Variants in MYO7B observed in about 807,000 individuals in gnomAD.
MYO7B encodes the protein unconventional myosin-VIIb.
Under a neutral mutation model 259.7 loss-of-function variants are expected in MYO7B, and 212 were observed. That is an observed-to-expected ratio of 0.82 (90% confidence interval 0.73 to 0.91). MYO7B has a LOEUF of 0.91. Ranked by LOEUF, MYO7B falls within the 40% of genes least tolerant of loss-of-function variation. The pLI is 0.00. For missense variants in MYO7B, 2,732 were observed against 2,813.5 expected, an observed-to-expected ratio of 0.97 and a Z score of 0.66; for synonymous variants, 1,197 against 1,166.4, an observed-to-expected ratio of 1.03 and a Z score of -0.54.
chr2:127,543,220 T>C (rs1693078762), intron 1 of MYO7B, among the ~76,000 whole-genome samples: 1 of 152,210 alleles, frequency 6.6e-6, no homozygotes, highest in South Asian at 2.1e-4. Context: ...AGTACCTGGC[T>C]TTCCTAGGCA....
chr2:127,602,008 G>A (rs1679978086), intron 19 of MYO7B, among the ~76,000 whole-genome samples: 1 of 152,104 alleles, frequency 6.6e-6, no homozygotes, highest in Non-Finnish European at 1.5e-5. Flanking sequence ...ATTCATGTTA[G>A]AGCTCAAGTC....
intron 15 of MYO7B, among the ~76,000 whole-genome samples, chr2:127,589,403 G>A (rs1271876860): frequency 6.6e-6 from 1 of 150,750 alleles, no homozygotes; most frequent in African/African-American, 2.4e-5. Flanking sequence ...GCATGTGGCA[G>A]CTTATATAAG....
At position 127,559,785 on chromosome 2, in the gene MYO7B, C is replaced by T. The variant is rs1247704194; in HGVS notation, c.18+45C>T. ...ATCTAGGGGTTATTGGTGTAAGTTA[C>T]TCAAGGCCAAGTTGAATCGCTCCCA... is the stretch of plus-strand genomic sequence containing the variant. On this transcript the variant is annotated intron_variant, in intron 2 of 47. Transcript: ENST00000409816. The surrounding 1 kb of genome is among the most constrained non-coding windows in gnomAD (Gnocchi z 4.1). 8 of 1,609,272 alleles carry T rather than the reference C, an allele frequency of 5.0e-6. 1 individual carries two copies. The South Asian group carries it at 6.6e-5, about 13-fold the overall frequency.
chr2:127,627,466 C>A lies in MYO7B; in HGVS notation c.4460+156C>A. Reference sequence around the variant, plus strand: ...TACGTATGCGATGGCTTCTGTACTTCGGAGCCCCACCCTCCTGCACCAGGC... The same window carrying A: ...TACGTATGCGATGGCTTCTGTACTTAGGAGCCCCACCCTCCTGCACCAGGC... On this transcript the variant is annotated intron_variant, in intron 33 of 47. Coordinates refer to ENST00000409816, the MANE Select transcript of MYO7B (RefSeq NM_001393586.1). The surrounding 1 kb of genome is among the most constrained non-coding windows in gnomAD (Gnocchi z 5.6). 2.0e-6 allele frequency: 2 copies of A among 1,020,500 alleles called. No homozygotes were observed. Among genetic ancestry groups the A allele is most frequent in the South Asian group, 1.4e-5 (1 of 72,082 alleles). 63.2% of individuals were successfully genotyped at this position (1,020,500 alleles called of 1,614,324 possible).
rs374385620 is a variant in MYO7B at position 127,636,368 on chromosome 2, C to T, written c.6123+44C>T. On this transcript the variant is annotated intron_variant, in intron 45 of 47. Transcript: ENST00000409816. The surrounding 1 kb of genome is among the most constrained non-coding windows in gnomAD (Gnocchi z 4.5). The stretch of plus-strand genomic sequence containing the variant: ...CAGGGCCTCCTACCCAAGCAGGCTC[C>T]GCTCAGCCCAGCCCCAGCAGGCCCA... The T allele has an allele frequency of 6.1e-4, 948 of 1,561,960 alleles. 11 individuals are homozygous for T. In the South Asian group the frequency reaches 8.9e-3, roughly 15 times the overall value.
At chr2:127,538,272 G>A (rs1692868707) in intron 1 of MYO7B, among the ~76,000 whole-genome samples, 1 of 152,104 alleles carries the variant, frequency 6.6e-6, no homozygotes, top group Non-Finnish European at 1.5e-5. Flanking sequence ...CGGTTGAGGG[G>A]GGTGGTAAGA....
rs754625139 is a variant in MYO7B at position 127,565,278 on chromosome 2, C to A, written c.178C>A (p.His60Asn). The A allele has an allele frequency of 1.2e-6, 2 of 1,614,012 alleles. No homozygotes were observed. The highest frequency in any genetic ancestry group is 1.7e-6 in the Non-Finnish European group (2 of 1,179,874). Residue 60 changes from histidine to asparagine, a missense_variant, in exon 4 of 48, where the codon CAC (histidine) becomes AAC (asparagine). His to Asn is a moderately conservative substitution (Grantham distance 68, BLOSUM62 1). Transcript: ENST00000409816. ...GGACTTTGGTGTCCTCAGTCCCATG[C>A]ACCCCAACTCAGTCCAGGGTGTGGA... ...AEDFGVLSPM[H>N]PNSVQGVDDM...
At position 127,612,550 on chromosome 2, in the gene MYO7B, C is replaced by G; in HGVS notation, c.3345C>G (p.Asn1115Lys). ...TTGGTGCAGACCGGCCCATGTCCAA[C>G]CTGGAGAAGGTGCACTTCATCGTGG... Reference protein sequence around the residue: ...DGLGADRPMSNLEKVHFIVGY... With the variant: ...DGLGADRPMSKLEKVHFIVGY... Residue 1115 changes from asparagine to lysine, a missense_variant, in exon 26 of 48, where the codon AAC becomes AAG. Transcript: ENST00000409816. The G allele has an allele frequency of 6.2e-7, 1 of 1,600,602 alleles. No individual in the cohort carries two copies. Among genetic ancestry groups the G allele is most frequent in the Non-Finnish European group, 8.5e-7 (1 of 1,173,892 alleles).
intron 40 of MYO7B, 148 bp downstream of exon 40, chr2:127,633,511 A>C: frequency 1.3e-6 from 1 of 763,382 alleles, no homozygotes; most frequent in Non-Finnish European, 2.1e-6. Context: ...CCCTCTCCCC[A>C]TGGGATGCAG....
intron 7 of MYO7B, 123 bp downstream of exon 7, chr2:127,574,185 C>A: frequency 7.9e-7 from 1 of 1,263,038 alleles, no homozygotes; most frequent in Non-Finnish European, 1.1e-6. Flanking sequence ...ACCCACAGGC[C>A]TCACTGGATA....
At position 127,568,862 on chromosome 2, in the gene MYO7B, C is replaced by T. The variant is rs181103246; in HGVS notation, c.471-927C>T. Reference sequence around the variant, plus strand: ...GCAGTGAGCTGAGATCGTGCCATTGCACTCCAGCCCAGGCCAACAACAGCA... The same window carrying T: ...GCAGTGAGCTGAGATCGTGCCATTGTACTCCAGCCCAGGCCAACAACAGCA... On this transcript the variant is annotated intron_variant, in intron 5 of 47. Coordinates refer to ENST00000409816, the MANE Select transcript of MYO7B (RefSeq NM_001393586.1). 9.6e-3 allele frequency among the ~76,000 whole-genome samples: 1,454 copies of T among 150,716 alleles called. 27 individuals are homozygous for T. The highest frequency in any genetic ancestry group is 0.034 in the African/African-American group (1,377 of 40,918).
chr2:127,543,675 C>T (rs1296600910), intron 1 of MYO7B, among the ~76,000 whole-genome samples: 1 of 152,034 alleles, frequency 6.6e-6, no homozygotes, highest in Admixed American at 6.5e-5. Flanking sequence ...GAGTATTTCT[C>T]TCCATCACTC....
At chr2:127,596,596 C>A in intron 19 of MYO7B, 40 bp downstream of exon 19, 1 of 1,496,768 alleles carries the variant, frequency 6.7e-7, no homozygotes, top group Non-Finnish European at 9.2e-7. Flanking sequence ...CCTACTCCTG[C>A]CCACAGTGTC....
chr2:127,543,264 C>T (rs1693080484), intron 1 of MYO7B, among the ~76,000 whole-genome samples: 1 of 152,080 alleles, frequency 6.6e-6, no homozygotes, highest in African/African-American at 2.4e-5. Flanking sequence ...TGTATTGTGT[C>T]CCTGGGTACT....
intron 3 of MYO7B, 84 bp from the exon 4 acceptor site, chr2:127,565,149 C>T (rs568645739): frequency 1.3e-6 from 2 of 1,518,572 alleles, no homozygotes; most frequent in African/African-American, 2.7e-5. Flanking sequence ...CACCTTGCTG[C>T]TGAGAACTTG....
At chr2:127,610,950 C>T (rs1680362288) in intron 24 of MYO7B, among the ~76,000 whole-genome samples, 3 of 152,244 alleles carry the variant, frequency 2.0e-5, no homozygotes, top group Admixed American at 1.3e-4. Context: ...AACCTAACTG[C>T]TTCAAATAGC....
chr2:127,634,140 C>A, intron 40 of MYO7B, 36 bp from the exon 41 acceptor site: 2 of 1,529,106 alleles, frequency 1.3e-6, no homozygotes, highest in Non-Finnish European at 8.9e-7. Context: ...GGCCCCTAGC[C>A]AGGCCCCGGG....
chr2:127,584,785 A>T lies in MYO7B; in HGVS notation c.1562A>T (p.Asp521Val), dbSNP rs1679236996. The T allele has an allele frequency of 6.2e-7, 1 of 1,613,792 alleles. No homozygotes were observed. Among genetic ancestry groups the T allele is most frequent in the Admixed American group, 1.7e-5 (1 of 59,992 alleles). Residue 521 changes from aspartate (D) to valine (V), a missense_variant, in exon 14 of 48, where the codon GAT (aspartate) becomes GTT (valine). Transcript: ENST00000409816. This position sits in a 1 kb window ranked among gnomAD's most constrained non-coding sequence, Gnocchi z 5.8. Reference sequence around the variant, plus strand: ...GTGTCTGGGTTCTTCCAGGGGACAGATCTCACCATGCTGCAAAAGCTGAAC... The same window carrying T: ...GTGTCTGGGTTCTTCCAGGGGACAGTTCTCACCATGCTGCAAAAGCTGAAC... Reference protein sequence around the residue: ...DEESRFPQGTDLTMLQKLNSV... With the variant: ...DEESRFPQGTVLTMLQKLNSV...
rs1446067037 is a variant in MYO7B, at chr2:127,628,443, G to A, written c.4532G>A (p.Ser1511Asn). ...HEEYEFVSPS[S>N]VAIAELVALF... ...GAGTACGAGTTTGTGTCACCCAGCAGTGTGGCCATCGCTGAGCTGGTGGCC... is the reference window on the plus strand; with the variant it reads ...GAGTACGAGTTTGTGTCACCCAGCAATGTGGCCATCGCTGAGCTGGTGGCC... The change falls in exon 34 of 48, where the codon AGT becomes AAT. Residue 1511 changes from serine to asparagine, a missense_variant. Transcript: ENST00000409816. This position sits in a 1 kb window ranked among gnomAD's most constrained non-coding sequence, Gnocchi z 4.8. 4 of 1,589,912 alleles carry A rather than the reference G, an allele frequency of 2.5e-6. No homozygotes were observed. The highest frequency in any genetic ancestry group is 1.8e-5 in the Admixed American group (1 of 56,570).
Sources: gnomAD v4.1 joint callset for allele counts (sites outside exome capture counted in the v4.1 genomes callset) on GRCh38, gnomAD v4.1.1 for gene constraint, Gnocchi (gnomAD v3.1) non-coding constraint, MANE v1.5 for transcripts, NCBI Gene and HGNC (gene_info 2026-07-23, HGNC 2026-07-21) for gene names.